Variants in VNN2 observed in about 807,000 individuals in gnomAD.
VNN2 encodes the protein vanin 2.
In VNN2, 43 loss-of-function variants were observed where a neutral mutation model predicts 43.0. The ratio of observed to expected loss-of-function variants is 1.00; its 90% confidence interval spans 0.78 to 1.29. VNN2 has a LOEUF of 1.29. Among genes scored for constraint, VNN2 ranks in the 50% most tolerant of loss-of-function variants. The pLI, the probability that VNN2 is intolerant of heterozygous loss-of-function variation, is 0.00. For missense variants in VNN2, 652 were observed against 619.7 expected (o/e 1.05, Z -0.55); for synonymous variants, 230 against 224.3 (o/e 1.03, Z -0.23).
chr6:132,745,236 G>C (rs1214272267), intron 6 of VNN2, among the ~76,000 whole-genome samples: 1 of 152,022 alleles, frequency 6.6e-6, no homozygotes, highest in African/African-American at 2.4e-5. Flanking sequence ...CCTTTTTTGA[G>C]ATGGAGTCTC....
At chr6:132,763,394 A>G (rs976314025) in exon 1 of VNN2, 3 of 152,184 alleles carry the variant, frequency 2.0e-5, no homozygotes, top group Admixed American at 1.3e-4. Context: ...GCTTTAGTCA[A>G]GGGGGAGCCT....
At chr6:132,748,051 G>A (rs772654890) in intron 6 of VNN2, among the ~76,000 whole-genome samples, 3 of 152,176 alleles carry the variant, frequency 2.0e-5, no homozygotes, top group South Asian at 2.1e-4. Context: ...AAAGTAGTAC[G>A]AGAAAATTAG....
chr6:132,744,325 G>A lies in VNN2; in HGVS notation c.1538C>T (p.Ala513Val), dbSNP rs1779592085. 1 of 1,612,780 alleles carries A rather than the reference G, an allele frequency of 6.2e-7. No homozygotes were observed. Among genetic ancestry groups the A allele is most frequent in the South Asian group, 1.1e-5 (1 of 90,756 alleles). Residue 513 changes from alanine (A) to valine (V), a missense_variant, in exon 7 of 7, where the codon GCT (alanine) becomes GTT (valine). Coordinates refer to ENST00000326499, the MANE Select transcript of VNN2 (RefSeq NM_004665.6). ...CTATAACATTACAATATTTTGCAAA[G>A]CTATGATCATTAATAATATGAATAT... ...LLIFILLMII[A>V]LQNIVML
At chr6:132,759,209 G>A (rs952918564), upstream of VNN2, among the ~76,000 whole-genome samples, 6 of 152,006 alleles carry the variant, frequency 3.9e-5, no homozygotes, top group African/African-American at 1.4e-4. Context: ...GGCCGAGGCA[G>A]GCAGATCACC....
chr6:132,752,856 G>A (rs1780208776), intron 3 of VNN2, 107 bp from the exon 4 acceptor site: 1 of 1,234,822 alleles, frequency 8.1e-7, no homozygotes, highest in Non-Finnish European at 1.1e-6. Context: ...CAACTGCAGG[G>A]AATCTCCTAG....
chr6:132,751,636 A>T (rs956967463), intron 4 of VNN2, 118 bp from the exon 5 acceptor site: 1 of 1,235,442 alleles, frequency 8.1e-7, no homozygotes, highest in Non-Finnish European at 1.1e-6. Context: ...ACGATGAGAG[A>T]GGATACATGC....
chr6:132,762,944 G>C (rs1339731178), intron 1 of VNN2, among the ~76,000 whole-genome samples: 1 of 152,178 alleles, frequency 6.6e-6, no homozygotes, highest in African/African-American at 2.4e-5. Flanking sequence ...GACAGCTCCT[G>C]CTTCCTTAAA....
upstream of VNN2, among the ~76,000 whole-genome samples, chr6:132,760,454 G>A (rs1422623585): frequency 6.6e-6 from 1 of 152,108 alleles, no homozygotes; most frequent in Non-Finnish European, 1.5e-5. Context: ...GAGATTATAG[G>A]TGTCAGTCAC....
chr6:132,749,717 T>A lies in VNN2; in HGVS notation c.1349A>T (p.His450Leu). 1 of 1,612,858 alleles carries A rather than the reference T, an allele frequency of 6.2e-7. No homozygotes were observed. Among genetic ancestry groups the A allele is most frequent in the Non-Finnish European group, 8.5e-7 (1 of 1,179,554 alleles). Residue 450 changes from histidine to leucine, a missense_variant, in exon 6 of 7, where the codon CAT becomes CTT. His to Leu is a moderately conservative substitution (Grantham distance 99). Transcript: ENST00000326499. ...VFPEVLLTEI[H>L]LSPGKFEVLK... ...TACCTCAAATTTTCCAGGTGACAGA[T>A]GAATTTCGGTAAGTAGCACTTCAGG... is the stretch of plus-strand genomic sequence containing the variant.
upstream of VNN2, among the ~76,000 whole-genome samples, chr6:132,759,438 CAA>C (rs58195059): frequency 9.1e-3 from 628 of 69,128 alleles, 4 homozygotes; most frequent in East Asian, 0.073. Context: ...AACTCCGTCT[CAA>C]AAAAAAAAAA....
At chr6:132,755,712 C>A in intron 3 of VNN2, 131 bp downstream of exon 3, 1 of 1,072,074 alleles carries the variant, frequency 9.3e-7, no homozygotes. Context: ...TTTCAAAAAA[C>A]AAAAAACAAA....
At chr6:132,759,979 A>T (rs998376225), upstream of VNN2, among the ~76,000 whole-genome samples, 4 of 152,202 alleles carry the variant, frequency 2.6e-5, no homozygotes, top group African/African-American at 9.7e-5. Flanking sequence ...TTTAGAAATC[A>T]TGTAACCCAA....
upstream of VNN2, chr6:132,758,000 TTTCTTC>T (rs60545394): frequency 4.2e-4 from 145 of 341,676 alleles, 2 homozygotes; most frequent in African/African-American, 5.1e-4. Context: ...TATCATCATT[TTTCTTC>T]TTCTTCTTCT....
chr6:132,750,668 A>G (rs1171208473), intron 5 of VNN2, among the ~76,000 whole-genome samples: 2 of 150,354 alleles, frequency 1.3e-5, no homozygotes, highest in African/African-American at 2.4e-5. Context: ...TCTCAAAAAA[A>G]AAAAAAAGAA....
At chr6:132,752,177 GC>G (rs1161050195) in intron 4 of VNN2, among the ~76,000 whole-genome samples, 44 of 152,236 alleles carry the variant, frequency 2.9e-4, no homozygotes, top group Admixed American at 1.6e-3. Flanking sequence ...GTAGCATTTG[GC>G]AAATTACTTG....
upstream of VNN2, among the ~76,000 whole-genome samples, chr6:132,759,576 C>A (rs533615538): frequency 3.6e-4 from 54 of 151,980 alleles, no homozygotes; most frequent in South Asian, 1.0e-3. Context: ...TTTTATCCAG[C>A]CCTTTGGTAA....
upstream of VNN2, among the ~76,000 whole-genome samples, chr6:132,761,473 G>A (rs905880326): frequency 8.6e-5 from 13 of 151,648 alleles, no homozygotes; most frequent in African/African-American, 2.9e-4. Context: ...CAGCCTGGCC[G>A]ACATAGTGAA....
Position 132,757,445 on chromosome 6 carries a change from CA to C in VNN2, c.314del (p.Val105GlyfsTer93). The stretch of plus-strand genomic sequence containing the variant: ...GGGGGTCTTGACACGGAATCCAGTT[CA>C]CCTGAGGGTCTGGGATATCCTCCAG... The part of the protein sequence containing the change: ...PYLEDIPDPQ[V>X]NWIPCQDPHR... On this transcript the variant is annotated frameshift_variant, in exon 2 of 7. Transcript: ENST00000326499. LOFTEE classifies it high-confidence loss of function. 5 of 1,611,294 alleles carry C rather than the reference CA, an allele frequency of 3.1e-6. No individual in the cohort carries two copies. The highest frequency in any genetic ancestry group is 4.2e-6 in the Non-Finnish European group (5 of 1,179,232).
At chr6:132,758,483 A>C (rs1403428467), upstream of VNN2, among the ~76,000 whole-genome samples, 3 of 152,190 alleles carry the variant, frequency 2.0e-5, no homozygotes, top group Non-Finnish European at 4.4e-5. Flanking sequence ...TGAATTTCCA[A>C]AAGACACCCG....
Sources: gnomAD v4.1 joint callset for allele counts (sites outside exome capture counted in the v4.1 genomes callset) on GRCh38, gnomAD v4.1.1 for gene constraint, MANE v1.5 for transcripts, NCBI Gene and HGNC (gene_info 2026-07-23, HGNC 2026-07-21) for gene names.